The following SDK1 variants were observed in gnomAD, a reference collection of about 807,000 sequenced individuals.
The protein encoded by SDK1 is sidekick cell adhesion molecule 1, also known as protein sidekick-1.
A neutral mutation model predicts 245.5 loss-of-function variants in SDK1; 157 were observed. The ratio of observed to expected loss-of-function variants is 0.64; its 90% CI spans 0.56 to 0.73. The LOEUF (loss-of-function observed/expected upper bound fraction) is 0.73. Among genes scored for constraint, SDK1 ranks in the 30% least tolerant of loss-of-function variants. SDK1 has a pLI of 0.00. For missense variants in SDK1, 3,583 were observed against 3,002.3 expected (o/e 1.19, Z -4.52); for synonymous variants, 1,647 against 1,278.5 (o/e 1.29, Z -6.15).
chr7:3,919,237 G>C (rs1779499978), intron 5 of SDK1, among the ~76,000 whole-genome samples: 1 of 152,220 alleles, frequency 6.6e-6, no homozygotes, highest in East Asian at 1.9e-4. Context: ...AGGCCATAAT[G>C]AGGGTATGTC....
intron 1 of SDK1, among the ~76,000 whole-genome samples, chr7:3,498,327 C>G (rs1339559033): frequency 6.6e-6 from 1 of 152,148 alleles, no homozygotes; most frequent in African/African-American, 2.4e-5. Flanking sequence ...TCTAGGACTT[C>G]AAAAAGTTTA....
At chr7:3,762,155 A>C (rs1780124241) in intron 4 of SDK1, among the ~76,000 whole-genome samples, 1 of 152,218 alleles carries the variant, frequency 6.6e-6, no homozygotes, top group South Asian at 2.1e-4. Flanking sequence ...CTGCTATTGA[A>C]ATCTAAATAC....
At chr7:3,740,804 A>C (rs1394248830) in intron 4 of SDK1, among the ~76,000 whole-genome samples, 1 of 152,182 alleles carries the variant, frequency 6.6e-6, no homozygotes, top group Non-Finnish European at 1.5e-5. Context: ...GAGTTCCAAA[A>C]ATGTTGATTT....
intron 1 of SDK1, among the ~76,000 whole-genome samples, chr7:3,594,931 G>C (rs1781004213): frequency 1.3e-5 from 2 of 151,990 alleles, no homozygotes; most frequent in African/African-American, 4.8e-5. Flanking sequence ...TAATGTATAG[G>C]GTTTACTGTT....
At chr7:3,895,374 C>G (rs1323557463) in intron 5 of SDK1, among the ~76,000 whole-genome samples, 1 of 152,178 alleles carries the variant, frequency 6.6e-6, no homozygotes, top group Non-Finnish European at 1.5e-5. Flanking sequence ...AGCCAGACAT[C>G]CATGTATCAA....
intron 4 of SDK1, among the ~76,000 whole-genome samples, chr7:3,698,077 G>C (rs1784626421): frequency 6.6e-6 from 1 of 152,154 alleles, no homozygotes; most frequent in African/African-American, 2.4e-5. Flanking sequence ...CCAGTTGCCA[G>C]TGGGCACAGA....
At chr7:3,951,615 A>C (rs1583615092) in intron 6 of SDK1, 115 bp from the exon 7 acceptor site, 1 of 855,732 alleles carries the variant, frequency 1.2e-6, no homozygotes, top group Non-Finnish European at 1.9e-6. Flanking sequence ...TGTTCAACCC[A>C]CCATGCACCC....
intron 1 of SDK1, among the ~76,000 whole-genome samples, chr7:3,578,358 G>C (rs1780368569): frequency 6.6e-6 from 1 of 152,052 alleles, no homozygotes; most frequent in East Asian, 1.9e-4. Context: ...GGAGAACTAA[G>C]ATCACGTGCT....
At chr7:3,888,600 G>A (rs986094305) in intron 5 of SDK1, among the ~76,000 whole-genome samples, 10 of 152,210 alleles carry the variant, frequency 6.6e-5, no homozygotes, top group Non-Finnish European at 1.2e-4. Context: ...CAGAACAATA[G>A]CAATATCACC....
At chr7:3,546,712 G>A (rs1290265824) in intron 1 of SDK1, among the ~76,000 whole-genome samples, 1 of 152,176 alleles carries the variant, frequency 6.6e-6, no homozygotes, top group Non-Finnish European at 1.5e-5. Context: ...AGGAACCTGT[G>A]GTCACTTTGT....
At chr7:3,701,489 A>C (rs904612932) in intron 4 of SDK1, among the ~76,000 whole-genome samples, 1 of 152,184 alleles carries the variant, frequency 6.6e-6, no homozygotes, top group Non-Finnish European at 1.5e-5. Context: ...AGTCCCAGCT[A>C]CTTGGGACCG....
At chr7:3,458,504 C>A (rs1780735898) in intron 1 of SDK1, among the ~76,000 whole-genome samples, 1 of 151,916 alleles carries the variant, frequency 6.6e-6, no homozygotes, top group African/African-American at 2.4e-5. Context: ...CTTTTTCAGG[C>A]CATCTACCCC....
Position 3,971,586 on chromosome 7 carries a change from C to T in SDK1, c.1817+18C>T, listed in dbSNP as rs1782491393. On this transcript the variant is annotated intron_variant, in intron 12 of 44. Coordinates refer to ENST00000404826, the MANE Select transcript of SDK1 (RefSeq NM_152744.4). ...TCACTCCGGTCAGCACAATCAGTTA[C>T]AATGCTTTGGGGCTTGTTGATATTC... 2 of 1,559,546 alleles carry T rather than the reference C, an allele frequency of 1.3e-6. No homozygotes were observed. Among genetic ancestry groups the T allele is most frequent in the African/African-American group, 1.4e-5 (1 of 74,062 alleles).
rs111475244 is a variant in SDK1 at position 3,991,230 on chromosome 7, C to A, written c.2131+3908C>A. Among the ~76,000 whole-genome samples the A allele has an allele frequency of 5.9e-5, 9 of 152,290 alleles. 1 individual carries two copies. The highest frequency in any genetic ancestry group is 4.1e-4 in the South Asian group (2 of 4,826). On this transcript the variant is annotated intron_variant, in intron 14 of 44. Coordinates refer to ENST00000404826, the MANE Select transcript of SDK1 (RefSeq NM_152744.4). Reference sequence around the variant, plus strand: ...GCAAGGACCCCTCAGTGCCAGGCCCCCAGGCTCAGTGGGAAACAACTGCCC... The same window carrying A: ...GCAAGGACCCCTCAGTGCCAGGCCCACAGGCTCAGTGGGAAACAACTGCCC...
rs184695914 is a variant in SDK1, at chr7:3,609,481, A to T, written c.299-9599A>T. ...AGTGGTGTGATCTCTGCTCACTGCA[A>T]TCTCTGCTTCCCGGTTTCAAACGAT... On this transcript the variant is annotated intron_variant, in intron 1 of 44. Coordinates refer to ENST00000404826, the MANE Select transcript of SDK1 (RefSeq NM_152744.4). Among the ~76,000 whole-genome samples, 67 of 152,048 alleles carry T rather than the reference A, an allele frequency of 4.4e-4. No homozygotes were observed. In the East Asian group the frequency reaches 0.013, roughly 29 times the overall value.
At chr7:4,080,598 G>A (rs183377165) in intron 22 of SDK1, among the ~76,000 whole-genome samples, 16 of 152,236 alleles carry the variant, frequency 1.1e-4, no homozygotes, top group South Asian at 8.3e-4. Context: ...TCCTGAAGGC[G>A]CAAACCATCT....
intron 28 of SDK1, among the ~76,000 whole-genome samples, chr7:4,138,836 A>G (rs1172429857): frequency 6.6e-6 from 1 of 152,168 alleles, no homozygotes; most frequent in Non-Finnish European, 1.5e-5. Flanking sequence ...AAAAGTCCCA[A>G]GACAGCTACA....
intron 1 of SDK1, among the ~76,000 whole-genome samples, chr7:3,588,916 T>C (rs1780771662): frequency 6.6e-6 from 1 of 152,228 alleles, no homozygotes. Flanking sequence ...TTATCAAAAA[T>C]GAGATCAAAG....
chr7:3,309,556 A>C (rs1376864562), intron 1 of SDK1, among the ~76,000 whole-genome samples: 1 of 139,062 alleles, frequency 7.2e-6, no homozygotes, highest in Non-Finnish European at 1.6e-5. Flanking sequence ...TGAGTGTATA[A>C]ACTGTTCCCA....
Sources: gnomAD v4.1 joint callset for allele counts (sites outside exome capture counted in the v4.1 genomes callset) on GRCh38, gnomAD v4.1.1 for gene constraint, MANE v1.5 for transcripts, NCBI Gene and HGNC (gene_info 2026-07-23, HGNC 2026-07-21) for gene names.